The following TTC8 variants were observed in gnomAD, a reference collection of about 807,000 sequenced individuals.
TTC8 encodes tetratricopeptide repeat protein 8.
Under a neutral mutation model 72.5 loss-of-function variants are expected in TTC8, and 47 were observed. The ratio of observed to expected loss-of-function variants is 0.65; its 90% CI spans 0.51 to 0.83. The LOEUF (loss-of-function observed/expected upper bound fraction) is 0.83, where lower values mean the gene tolerates loss of function less well. Among genes scored for constraint, TTC8 ranks in the 40% least tolerant of loss-of-function variants. TTC8 has a pLI of 0.00. For synonymous variants in TTC8, 199 were observed against 221.4 expected, an observed-to-expected ratio of 0.90 and a Z score of 0.90; for missense variants, 611 against 623.2, an observed-to-expected ratio of 0.98 and a Z score of 0.21.
chr14:88,828,047 G>A (rs567186112), intron 1 of TTC8, among the ~76,000 whole-genome samples: 2 of 152,272 alleles, frequency 1.3e-5, no homozygotes, highest in African/African-American at 2.4e-5. Context: ...TATGAAGGTC[G>A]TCGTAGTTGC....
intron 1 of TTC8, chr14:88,830,976 G>A (rs542407035): frequency 2.2e-6 from 1 of 454,496 alleles, no homozygotes; most frequent in Admixed American, 2.4e-5. Context: ...CACATACTCA[G>A]CAGAGTCCTG....
At chr14:88,869,726 T>C (rs2094925660) in intron 10 of TTC8, among the ~76,000 whole-genome samples, 1 of 152,124 alleles carries the variant, frequency 6.6e-6, no homozygotes, top group Non-Finnish European at 1.5e-5. Context: ...CTCAGGTCTT[T>C]TCAAATAGCA....
chr14:88,825,096 C>A (rs1431445582), intron 1 of TTC8, among the ~76,000 whole-genome samples: 1 of 152,218 alleles, frequency 6.6e-6, no homozygotes, highest in Non-Finnish European at 1.5e-5. Context: ...AATGAGAGCC[C>A]TGAACTTTAC....
At chr14:88,838,211 C>T in intron 2 of TTC8, among the ~76,000 whole-genome samples, 1 of 152,188 alleles carries the variant, frequency 6.6e-6, no homozygotes, top group East Asian at 1.9e-4. Context: ...TTTCCAACAT[C>T]TATAAAACCA....
At chr14:88,876,311 A>G (rs1233292732) in intron 14 of TTC8, among the ~76,000 whole-genome samples, 2 of 152,220 alleles carry the variant, frequency 1.3e-5, no homozygotes, top group African/African-American at 4.8e-5. Context: ...AAGAAGTGCT[A>G]TGATTTAAAA....
At chr14:88,838,721 G>A (rs2094764857) in intron 2 of TTC8, among the ~76,000 whole-genome samples, 1 of 152,152 alleles carries the variant, frequency 6.6e-6, no homozygotes, top group Non-Finnish European at 1.5e-5. Flanking sequence ...TCAAGGTAAA[G>A]CAAAGCTGAT....
At chr14:88,862,790 C>G (rs1397177933) in intron 10 of TTC8, among the ~76,000 whole-genome samples, 1 of 149,916 alleles carries the variant, frequency 6.7e-6, no homozygotes, top group Non-Finnish European at 1.5e-5. Context: ...CTTTGTTGAT[C>G]AGGCTGGTCT....
At chr14:88,829,511 A>G (rs1377527641) in intron 1 of TTC8, among the ~76,000 whole-genome samples, 3 of 152,220 alleles carry the variant, frequency 2.0e-5, no homozygotes, top group Admixed American at 6.5e-5. Context: ...AACAGTTAAT[A>G]AAACGTAAAG....
chr14:88,880,312 T>C (rs1366009306), downstream of TTC8: 1 of 152,230 alleles, frequency 6.6e-6, no homozygotes, highest in Non-Finnish European at 1.5e-5. Flanking sequence ...ATAGATGGCA[T>C]TCGTCCTATT....
In TTC8 at chr14:88,824,711, A is replaced by G. The variant is rs759112760; in HGVS notation, c.4A>G (p.Ser2Gly). The change falls in exon 1 of 15, where the codon AGC becomes GGC. Residue 2 changes from serine (S) to glycine (G), a missense_variant. Transcript: ENST00000380656. ...TTCGCTGGCCGCACCGGCAGCCATG[A>G]GCTCGGAGATGGAGCCGCTGCTCCT... M[S>G]SEMEPLLLAW... is the part of the protein sequence containing the mutation. 96 of 1,606,940 alleles carry G rather than the reference A, an allele frequency of 6.0e-5. No individual in the cohort carries two copies. The highest frequency in any genetic ancestry group is 7.6e-5 in the Non-Finnish European group (90 of 1,177,264).
intron 8 of TTC8, among the ~76,000 whole-genome samples, chr14:88,855,409 ACTTGACTGATGTTTTATGC>A (rs2094851523): frequency 1.3e-5 from 2 of 152,144 alleles, no homozygotes; most frequent in African/African-American, 4.8e-5. Flanking sequence ...GTGTTTATAA[ACTTGACTGATGTTTTATGC>A]CTTGACTTTC....
intron 2 of TTC8, 57 bp downstream of exon 2, chr14:88,833,779 T>C: frequency 6.6e-7 from 1 of 1,515,866 alleles, no homozygotes; most frequent in Non-Finnish European, 9.2e-7. Context: ...TGCTATTGCT[T>C]AGTTGTTGCT....
intron 9 of TTC8, among the ~76,000 whole-genome samples, chr14:88,860,910 C>A (rs1384910014): frequency 2.0e-5 from 3 of 151,398 alleles, no homozygotes; most frequent in Non-Finnish European, 4.4e-5. Context: ...CTCTAGTGAT[C>A]CTCCCATCTC....
intron 9 of TTC8, among the ~76,000 whole-genome samples, chr14:88,859,876 T>TTTATATTATATAATATATAATATAAA (rs1555393160): frequency 6.0e-5 from 7 of 117,602 alleles, no homozygotes; most frequent in Admixed American, 7.7e-5. Flanking sequence ...TATAAATATA[T>TTTATATTATATAATATATAATATAAA]TATATATTAT....
At chr14:88,854,607 C>G (rs916905728) in intron 8 of TTC8, among the ~76,000 whole-genome samples, 1 of 152,142 alleles carries the variant, frequency 6.6e-6, no homozygotes, top group African/African-American at 2.4e-5. Flanking sequence ...GGATGGGACC[C>G]AGGTTTAAAG....
chr14:88,848,518 T>C (rs1225729985), intron 7 of TTC8, among the ~76,000 whole-genome samples: 1 of 152,188 alleles, frequency 6.6e-6, no homozygotes, highest in Non-Finnish European at 1.5e-5. Flanking sequence ...ATGGTGTTCA[T>C]TGTAACTTTA....
At chr14:88,846,481 A>G in intron 7 of TTC8, 1 of 550,306 alleles carries the variant, frequency 1.8e-6, no homozygotes, top group Non-Finnish European at 3.2e-6. Flanking sequence ...GAACAGTAAG[A>G]AGGCCAGTGT....
chr14:88,872,380 C>A lies in TTC8; in HGVS notation c.1275C>A (p.Val425=). Residue 425 remains valine, a synonymous_variant, in exon 13 of 15, where the codon GTC becomes GTA. Coordinates refer to ENST00000380656, the MANE Select transcript of TTC8 (RefSeq NM_144596.4). ...LAHQCFRLAL[V]NNNNHAEAYN... ...ATCAGTGCTTCAGGCTGGCTCTGGT[C>A]AACAACAACAACCACGCCGAGGCCT... The A allele has an allele frequency of 6.2e-7, 1 of 1,613,092 alleles. No individual in the cohort carries two copies. Among genetic ancestry groups the A allele is most frequent in the South Asian group, 1.1e-5 (1 of 91,016 alleles).
At chr14:88,847,894 G>A (rs2094814946) in intron 7 of TTC8, among the ~76,000 whole-genome samples, 1 of 151,952 alleles carries the variant, frequency 6.6e-6, no homozygotes. Context: ...AGGCCAAGGT[G>A]GGTGGATCAC....
Sources: allele counts gnomAD v4.1 joint callset (sites outside exome capture counted in the v4.1 genomes callset), GRCh38; gene constraint gnomAD v4.1.1; transcripts MANE v1.5; gene names NCBI Gene and HGNC (gene_info 2026-07-23, HGNC 2026-07-21).